The following PRICKLE3 variants were observed in gnomAD, a reference collection of about 807,000 sequenced individuals.
PRICKLE3 encodes LIM domain only protein 6.
A neutral mutation model predicts 33.8 loss-of-function variants in PRICKLE3; 17 were observed. The ratio of observed to expected loss-of-function variants is 0.50; its 90% CI spans 0.34 to 0.75. The LOEUF (loss-of-function observed/expected upper bound fraction) is 0.75, where lower values mean the gene tolerates loss of function less well. PRICKLE3 is among the 30% of genes least tolerant of loss of function. The pLI is 0.01. For missense variants in PRICKLE3, 573 were observed against 576.7 expected (o/e 0.99, Z 0.07); for synonymous variants, 211 against 219.6 (o/e 0.96, Z 0.34).
At chrX:49,182,850 G>T (rs1557101345) in intron 3 of PRICKLE3, among the ~76,000 whole-genome samples, 3 of 90,394 alleles carry the variant, frequency 3.3e-5, no homozygotes, top group African/African-American at 1.3e-4. Context: ...TTTTTGAGAA[G>T]TATCACTCTG....
rs1557100527 is a variant in PRICKLE3 at position 49,178,428 on chromosome X, A to T, written c.612T>A (p.Arg204=). The change falls in exon 6 of 9, where the codon CGT becomes CGA. Residue 204 remains arginine, a synonymous_variant. Coordinates refer to ENST00000599218, the MANE Select transcript of PRICKLE3 (RefSeq NM_006150.5). ...GGTGCCAGCAGGCACCCAGGCCTGC[A>T]CGGCTGGCAAACACTGCGATGTCCC... ...GGGDIAVFAS[R]AGLGACWHPQ... The T allele has an allele frequency of 8.3e-7, 1 of 1,211,778 alleles. No homozygotes were observed.
At chrX:49,181,595 C>CGTATATATATACGTGTGTATA (rs2065455448) in intron 3 of PRICKLE3, among the ~76,000 whole-genome samples, 3 of 19,736 alleles carry the variant, frequency 1.5e-4, no homozygotes, top group Non-Finnish European at 2.5e-4. Context: ...ACGCGTGTAT[C>CGTATATATATACGTGTGTATA]TATATACGTA....
chrX:49,178,291 C>T lies in PRICKLE3; in HGVS notation c.749G>A (p.Arg250His), dbSNP rs1557100469. ...GRHHAECLRP[R>H]CQACDEIIFS... ...CCAAACCTCGTCACAGGCTTGGCAG[C>T]GTGGACGCAGGCATTCGGCATGGTG... Residue 250 changes from arginine to histidine, a missense_variant, in exon 6 of 9, where the codon CGC becomes CAC. By Grantham distance (29) the Arg-to-His change is conservative. Coordinates refer to ENST00000599218, the MANE Select transcript of PRICKLE3 (RefSeq NM_006150.5). The T allele has an allele frequency of 2.5e-6, 3 of 1,199,805 alleles. No individual in the cohort carries two copies. The highest frequency in any genetic ancestry group is 2.3e-4 in the Middle Eastern group (1 of 4,336).
Position 49,177,023 on chromosome X carries a change from G to A in PRICKLE3, c.1135C>T (p.Arg379Cys), listed in dbSNP as rs781960793. 21 of 1,208,361 alleles carry A rather than the reference G, an allele frequency of 1.7e-5. No homozygotes were observed. Among genetic ancestry groups the A allele is most frequent in the Middle Eastern group, 2.3e-4 (1 of 4,295 alleles). Reference protein sequence around the residue: ...GSEPTAPGPSRRSWSAGPVTA... With the variant: ...GSEPTAPGPSCRSWSAGPVTA... ...ACAGGGCCGGCACTCCAGCTGCGGC[G>A]GCTCGGCCCTGGAGCTGTGGGCTCG... Residue 379 changes from arginine (R) to cysteine (C), a missense_variant, in exon 8 of 9, where the codon CGC (arginine) becomes TGC (cysteine). Coordinates refer to ENST00000599218, the MANE Select transcript of PRICKLE3 (RefSeq NM_006150.5).
intron 5 of PRICKLE3, among the ~76,000 whole-genome samples, chrX:49,178,790 A>G (rs1306400880): frequency 8.9e-6 from 1 of 111,891 alleles, no homozygotes; most frequent in Non-Finnish European, 1.9e-5. Flanking sequence ...GAAACCACAG[A>G]GATAGTCTCC....
chrX:49,178,250 C>A (rs1557100461), intron 6 of PRICKLE3, 22 bp downstream of exon 6: 1 of 1,199,044 alleles, frequency 8.3e-7, no homozygotes, highest in South Asian at 1.8e-5. Context: ...CAACTCCCAC[C>A]CCTGGGCAGG....
chrX:49,175,546 A>C lies in PRICKLE3; in HGVS notation c.*127T>G. 1.6e-6 allele frequency: 1 copy of C among 616,511 alleles called. No homozygotes were observed. Among genetic ancestry groups the C allele is most frequent in the Non-Finnish European group, 2.4e-6 (1 of 412,007 alleles). The allele number at this position is 616,511 out of a possible 1,213,427, so 50.8% of individuals were successfully genotyped here. On this transcript the variant is annotated 3_prime_UTR_variant, in exon 9 of 9. Transcript: ENST00000599218. ...TAAAACAGAAACAAAAATAGAAACAAACTGATAAAGGAGGGAGGAAGAGGA... is the reference window on the plus strand; with the variant it reads ...TAAAACAGAAACAAAAATAGAAACACACTGATAAAGGAGGGAGGAAGAGGA...
In PRICKLE3 at chrX:49,178,017, A is replaced by C. The variant is rs782587025; in HGVS notation, c.931T>G (p.Cys311Gly). ...CCGATGTGCTCCCCACAGCCATCAC[A>C]GTACTCCGCGTGGCGGGCCTCGTAG... ...ACYEARHAEY[C>G]DGCGEHIGLD... Residue 311 changes from cysteine (C) to glycine (G), a missense_variant, in exon 7 of 9, where the codon TGT (cysteine) becomes GGT (glycine). Cys to Gly is a radical substitution (Grantham distance 159). Coordinates refer to ENST00000599218, the MANE Select transcript of PRICKLE3 (RefSeq NM_006150.5). 2 of 1,151,403 alleles carry C rather than the reference A, an allele frequency of 1.7e-6. No individual in the cohort carries two copies. The highest frequency in any genetic ancestry group is 2.3e-6 in the Non-Finnish European group (2 of 865,493). 94.9% of individuals were successfully genotyped at this position (1,151,403 alleles called of 1,213,427 possible).
intron 7 of PRICKLE3, 92 bp downstream of exon 7, chrX:49,177,900 TG>T: frequency 1.0e-6 from 1 of 990,384 alleles, no homozygotes; most frequent in Non-Finnish European, 1.4e-6. Context: ...CAATGGAGGA[TG>T]GGGCCTGGAG....
In PRICKLE3 at chrX:49,183,837, C is replaced by T. The variant is rs782141980; in HGVS notation, c.209G>A (p.Cys70Tyr). ...AVPVDLERIM[C>Y]RLISDFQRHS... is the part of the protein sequence containing the mutation. The stretch of plus-strand genomic sequence containing the variant: ...GCGCTGGAAGTCCGAGATTAGCCGA[C>T]ACATGATGCGTTCCAGGTCCACAGG... The change falls in exon 3 of 9, where the codon TGT becomes TAT. Residue 70 changes from cysteine to tyrosine, a missense_variant. Transcript: ENST00000599218. 6.6e-6 allele frequency: 8 copies of T among 1,211,641 alleles called. No individual in the cohort carries two copies. The highest frequency in any genetic ancestry group is 2.2e-5 in the Admixed American group (1 of 46,057).
chrX:49,178,936 C>T (rs782669276), intron 5 of PRICKLE3, among the ~76,000 whole-genome samples: 55 of 112,387 alleles, frequency 4.9e-4, no homozygotes, highest in African/African-American at 1.7e-3. Flanking sequence ...ACAGGAGGAC[C>T]AAAGAGATAG....
At chrX:49,185,460 A>C (rs1453958848) in intron 1 of PRICKLE3, among the ~76,000 whole-genome samples, 5 of 111,742 alleles carry the variant, frequency 4.5e-5, no homozygotes, top group Non-Finnish European at 9.4e-5. Context: ...CCTATCTAAG[A>C]AGTCAAAAAC....
intron 7 of PRICKLE3, 21 bp from the exon 8 acceptor site, chrX:49,177,223 G>T (rs1557100285): frequency 1.8e-6 from 2 of 1,122,314 alleles, no homozygotes; most frequent in Non-Finnish European, 2.3e-6. Context: ...CGACGAGGGG[G>T]AAAAACTGAG....
intron 3 of PRICKLE3, among the ~76,000 whole-genome samples, chrX:49,181,504 T>C (rs1239506424): frequency 1.1e-5 from 1 of 91,633 alleles, no homozygotes; most frequent in Non-Finnish European, 2.1e-5. Context: ...TATGTGTATA[T>C]ATATGTGTAT....
At chrX:49,177,252 AC>A in intron 7 of PRICKLE3, 50 bp from the exon 8 acceptor site, 1 of 1,065,016 alleles carries the variant, frequency 9.4e-7, no homozygotes, top group Non-Finnish European at 1.2e-6. Context: ...CCCAGGCGTA[AC>A]CCCACCCCTC....
At chrX:49,179,491 T>C in intron 4 of PRICKLE3, 103 bp from the exon 5 acceptor site, 2 of 1,095,192 alleles carry the variant, frequency 1.8e-6, no homozygotes, top group Non-Finnish European at 2.5e-6. Context: ...GGTCTTTCTA[T>C]AGATGGTGCC....
intron 1 of PRICKLE3, chrX:49,185,011 T>C: frequency 7.5e-6 from 5 of 667,643 alleles, no homozygotes; most frequent in Non-Finnish European, 1.0e-5. Flanking sequence ...CCACCAGCCT[T>C]AGATCCTTCC....
intron 7 of PRICKLE3, among the ~76,000 whole-genome samples, chrX:49,177,500 G>C (rs1334819980): frequency 8.9e-6 from 1 of 112,404 alleles, no homozygotes; most frequent in African/African-American, 3.2e-5. Flanking sequence ...TAGACATTAG[G>C]GGGTGGCTCC....
rs12851154 is a variant in PRICKLE3 at position 49,181,887 on chromosome X, G to A, written c.312+1847C>T. 7.8e-3 allele frequency among the ~76,000 whole-genome samples: 833 copies of A among 106,967 alleles called. 3 individuals are homozygous for A. The highest frequency in any genetic ancestry group is 0.014 in the Middle Eastern group (3 of 208). The allele number at this position is 106,967 out of a possible 115,157, so 92.9% of individuals were successfully genotyped here. The stretch of plus-strand genomic sequence containing the variant: ...TGGTCTCAAACTCCCGACCTCAGGC[G>A]ATCTGCCTGCCTAGGCTTCCCAAAG... On this transcript the variant is annotated intron_variant, in intron 3 of 8. Transcript: ENST00000599218.
Sources: gnomAD v4.1 joint callset for allele counts (sites outside exome capture counted in the v4.1 genomes callset) on GRCh38, gnomAD v4.1.1 for gene constraint, MANE v1.5 for transcripts, NCBI Gene and HGNC (gene_info 2026-07-23, HGNC 2026-07-21) for gene names.